CCN4: variants seen among roughly 807,000 people sequenced by gnomAD.
CCN4 encodes cellular communication network factor 4, also known as CCN family member 4.
CCN4 carries 30 observed loss-of-function variants against 36.7 expected under a neutral mutation model. That is an observed-to-expected ratio of 0.82 (90% CI 0.61 to 1.11). The LOEUF (loss-of-function observed/expected upper bound fraction) is 1.11, where lower values mean the gene tolerates loss of function less well. Among genes scored for constraint, CCN4 ranks in the 50% least tolerant of loss-of-function variants. The pLI is 0.00. For missense variants in CCN4, 505 were observed against 504.9 expected, an observed-to-expected ratio of 1.00 and a Z score of 0.00; for synonymous variants, 191 against 195.4, an observed-to-expected ratio of 0.98 and a Z score of 0.19.
At position 133,228,706 on chromosome 8, in the gene CCN4, G is replaced by C. The variant is rs1237057032; in HGVS notation, c.*996G>C. ...ACTGAAATGACCAAGACAGGTTCAG[G>C]TAGGGGTGTGGGTCAAACCAAGAAG... On this transcript the variant is annotated 3_prime_UTR_variant, in exon 5 of 5. Transcript: ENST00000250160. 6.6e-6 allele frequency: 1 copy of C among 152,282 alleles called. No homozygotes were observed. The highest frequency in any genetic ancestry group is 1.5e-5 in the Non-Finnish European group (1 of 68,106). 9.4% of individuals were successfully genotyped at this position (152,282 alleles called of 1,614,324 possible). A position where few individuals can be genotyped will look rare whatever the true frequency, so the allele number is the denominator to read the frequency against.
chr8:133,224,228 CCTTT>C lies in CCN4; in HGVS notation c.611-1161_611-1158del, dbSNP rs1854639988. ...TGATTTGAATTTGAAGCCCGTAAGTCCTTTTTTTTTTTTTTTTTTTTTTTTTTTT... is the reference window on the plus strand; with the variant it reads ...TGATTTGAATTTGAAGCCCGTAAGTCTTTTTTTTTTTTTTTTTTTTTTTTT... On this transcript the variant is annotated intron_variant, in intron 3 of 4. Transcript: ENST00000250160. Among the ~76,000 whole-genome samples the C allele has an allele frequency of 3.4e-5, 2 of 58,902 alleles. 1 individual carries two copies. The highest frequency in any genetic ancestry group is 6.2e-5 in the Non-Finnish European group (2 of 32,342). 38.6% of individuals were successfully genotyped at this position (58,902 alleles called of 152,430 possible).
Position 133,229,363 on chromosome 8 carries a change from T to G in CCN4, c.*1653T>G, listed in dbSNP as rs1048970507. On this transcript the variant is annotated 3_prime_UTR_variant, in exon 5 of 5. Transcript: ENST00000250160. ...TCCCTCTTATAGTCTTTCTAGCTCCTTTTCAAAAGACGAGAATATCTGATT... is the reference window on the plus strand; with the variant it reads ...TCCCTCTTATAGTCTTTCTAGCTCCGTTTCAAAAGACGAGAATATCTGATT... The G allele has an allele frequency of 2.0e-5, 3 of 152,238 alleles. No individual in the cohort carries two copies. The highest frequency in any genetic ancestry group is 2.0e-4 in the Admixed American group (3 of 15,284). 9.4% of individuals were successfully genotyped at this position (152,238 alleles called of 1,614,324 possible).
chr8:133,196,471 T>C (rs1853387499), intron 1 of CCN4, among the ~76,000 whole-genome samples: 1 of 152,254 alleles, frequency 6.6e-6, no homozygotes, highest in Non-Finnish European at 1.5e-5. Flanking sequence ...TTCGTATTAC[T>C]TTTTAATACC....
At chr8:133,194,370 G>A (rs1853238866) in intron 1 of CCN4, among the ~76,000 whole-genome samples, 1 of 121,684 alleles carries the variant, frequency 8.2e-6, no homozygotes, top group Non-Finnish European at 1.8e-5. Flanking sequence ...GTGGGGGTGT[G>A]TGTGTGGGGT....
chr8:133,222,559 A>T (rs1423433968), intron 3 of CCN4, among the ~76,000 whole-genome samples: 2 of 151,634 alleles, frequency 1.3e-5, no homozygotes, highest in Non-Finnish European at 2.9e-5. Flanking sequence ...GGTAACATCC[A>T]CAGTGAGACA....
At chr8:133,213,201 A>G (rs1246548989) in intron 2 of CCN4, 58 bp downstream of exon 2, 26 of 1,547,848 alleles carry the variant, frequency 1.7e-5, no homozygotes, top group Non-Finnish European at 2.0e-5. Context: ...CTCTGGCCCC[A>G]AACCCCTCTC....
At chr8:133,210,520 C>T (rs775495255) in intron 1 of CCN4, among the ~76,000 whole-genome samples, 1 of 152,012 alleles carries the variant, frequency 6.6e-6, no homozygotes. Flanking sequence ...GGTGAACCAC[C>T]CAGAACTGCC....
chr8:133,200,545 ATATGGT>A (rs1162495052), intron 1 of CCN4, among the ~76,000 whole-genome samples: 1 of 152,216 alleles, frequency 6.6e-6, no homozygotes, highest in Admixed American at 6.5e-5. Context: ...CCTCGGTTAC[ATATGGT>A]TATTTGAATG....
chr8:133,210,382 GA>G (rs1853964339), intron 1 of CCN4, among the ~76,000 whole-genome samples: 1 of 138,602 alleles, frequency 7.2e-6, no homozygotes, highest in African/African-American at 3.0e-5. Flanking sequence ...AAGTCAAAAA[GA>G]GGGGTGTGTG....
At chr8:133,222,063 A>G (rs546483937) in intron 3 of CCN4, among the ~76,000 whole-genome samples, 3 of 151,724 alleles carry the variant, frequency 2.0e-5, no homozygotes, top group South Asian at 4.2e-4. Context: ...AAATAAATGG[A>G]TGATTGGATG....
chr8:133,212,488 G>A (rs1384290953), intron 1 of CCN4, among the ~76,000 whole-genome samples: 2 of 152,188 alleles, frequency 1.3e-5, no homozygotes, highest in South Asian at 2.1e-4. Flanking sequence ...GCAGCCACAT[G>A]ACTCACAGCC....
intron 1 of CCN4, among the ~76,000 whole-genome samples, chr8:133,212,649 G>A (rs533576133): frequency 2.6e-5 from 4 of 152,208 alleles, no homozygotes; most frequent in Non-Finnish European, 4.4e-5. Context: ...GAAGGATTCG[G>A]GCAATTGGTT....
At chr8:133,194,565 G>T (rs1280909732) in intron 1 of CCN4, among the ~76,000 whole-genome samples, 2 of 98,870 alleles carry the variant, frequency 2.0e-5, no homozygotes, top group Non-Finnish European at 4.1e-5. Flanking sequence ...TGGGGGGGTG[G>T]TGGTATGGAG....
intron 4 of CCN4, 100 bp from the exon 5 acceptor site, chr8:133,227,311 C>T (rs1854772051): frequency 7.9e-7 from 1 of 1,262,734 alleles, no homozygotes; most frequent in African/African-American, 1.5e-5. Flanking sequence ...AGGTGGAATG[C>T]TCCCACATAG....
intron 3 of CCN4, among the ~76,000 whole-genome samples, chr8:133,221,200 G>T (rs995862842): frequency 6.6e-6 from 1 of 152,246 alleles, no homozygotes; most frequent in Admixed American, 6.5e-5. Flanking sequence ...GAGGAGATGG[G>T]TCTAGTAGAA....
At chr8:133,191,464 C>T (rs545440551) in intron 1 of CCN4, among the ~76,000 whole-genome samples, 14 of 152,176 alleles carry the variant, frequency 9.2e-5, no homozygotes, top group African/African-American at 3.4e-4. Flanking sequence ...CCTCTCTCCC[C>T]ACCTGAAACA....
rs1331959052 is a variant in CCN4 at position 133,191,242 on chromosome 8, G to A, written c.69+29G>A. 5 of 1,596,946 alleles carry A rather than the reference G, an allele frequency of 3.1e-6. No homozygotes were observed. In the South Asian group the frequency reaches 5.5e-5, roughly 18 times the overall value. On this transcript the variant is annotated intron_variant, in intron 1 of 4. Coordinates refer to ENST00000250160, the MANE Select transcript of CCN4 (RefSeq NM_003882.4). ...AGTCCTGCCTGGAGGGGCTCAGAGG[G>A]AGACCCAGCTCCCTTCTCTACTGGG...
At chr8:133,200,851 C>T (rs550882706) in intron 1 of CCN4, among the ~76,000 whole-genome samples, 1 of 152,316 alleles carries the variant, frequency 6.6e-6, no homozygotes, top group African/African-American at 2.4e-5. Context: ...GCCCTAGCAA[C>T]ATGGCCCACT....
chr8:133,208,954 C>G (rs983423606), intron 1 of CCN4, among the ~76,000 whole-genome samples: 2 of 152,214 alleles, frequency 1.3e-5, no homozygotes, highest in Non-Finnish European at 2.9e-5. Flanking sequence ...GCATTGATTG[C>G]ACTGAATTGC....
Sources: allele counts gnomAD v4.1 joint callset (sites outside exome capture counted in the v4.1 genomes callset), GRCh38; gene constraint gnomAD v4.1.1; transcripts MANE v1.5; gene names NCBI Gene and HGNC (gene_info 2026-07-23, HGNC 2026-07-21).